The following ANOS1 variants were observed in gnomAD, a reference collection of about 807,000 sequenced individuals.
ANOS1 encodes anosmin-1.
ANOS1 carries 6 observed loss-of-function variants against 59.0 expected under a neutral mutation model. The ratio of observed to expected loss-of-function variants is 0.10; its 90% confidence interval spans 0.06 to 0.20. The LOEUF is 0.20. Ranked by LOEUF, ANOS1 falls within the 10% of genes least tolerant of loss-of-function variation. ANOS1 has a pLI of 1.00. For missense variants in ANOS1, 433 were observed against 542.3 expected (o/e 0.80, Z 2.00); for synonymous variants, 217 against 223.4 (o/e 0.97, Z 0.25).
intron 1 of ANOS1, among the ~76,000 whole-genome samples, chrX:8,722,595 A>C (rs750163549): frequency 5.2e-4 from 58 of 112,110 alleles, no homozygotes; most frequent in Middle Eastern, 4.6e-3. Context: ...ACACACACAC[A>C]CACACACACA....
At chrX:8,561,121 A>T (rs1052917485) in intron 8 of ANOS1, among the ~76,000 whole-genome samples, 1 of 111,783 alleles carries the variant, frequency 8.9e-6, no homozygotes, top group African/African-American at 3.3e-5. Context: ...GGACCCCAGA[A>T]GATAATCTAC....
At chrX:8,544,069 T>G (rs1037804405) in intron 9 of ANOS1, among the ~76,000 whole-genome samples, 7 of 109,124 alleles carry the variant, frequency 6.4e-5, no homozygotes, top group Non-Finnish European at 1.3e-4. Flanking sequence ...GTTCAAAAAT[T>G]AGATGGGTCT....
Position 8,695,699 on chromosome X carries a change from G to GAA in ANOS1, c.255+3997_255+3998dup, listed in dbSNP as rs774226890. On this transcript the variant is annotated intron_variant, in intron 2 of 13. Coordinates refer to ENST00000262648, the MANE Select transcript of ANOS1 (RefSeq NM_000216.4). The stretch of plus-strand genomic sequence containing the variant: ...ACTATTCACAGTAGCTATAAGGGTG[G>GAA]AAAAAAAAAAAAAAAAAAAACCTAG... 9.6e-3 allele frequency among the ~76,000 whole-genome samples: 495 copies of GAA among 51,740 alleles called. 9 individuals carry two copies. The highest frequency in any genetic ancestry group is 0.028 in the African/African-American group (442 of 15,669). 44.9% of individuals were successfully genotyped at this position (51,740 alleles called of 115,157 possible). A position where few individuals can be genotyped will look rare whatever the true frequency, so the allele number is the denominator to read the frequency against.
intron 1 of ANOS1, among the ~76,000 whole-genome samples, chrX:8,701,974 G>A (rs1179195516): frequency 9.0e-6 from 1 of 111,580 alleles, no homozygotes; most frequent in East Asian, 2.8e-4. Context: ...CTTCTTCTCA[G>A]CCTTAACTCC....
chrX:8,670,954 C>A (rs974074099), intron 2 of ANOS1, among the ~76,000 whole-genome samples: 2 of 111,060 alleles, frequency 1.8e-5, no homozygotes, highest in Admixed American at 1.9e-4. Flanking sequence ...TGCCTCCCAT[C>A]TCCCGAAATC....
rs561780348 is a variant in ANOS1 at position 8,532,609 on chromosome X, G to A, written c.*386C>T. 5 of 125,258 alleles carry A rather than the reference G, an allele frequency of 4.0e-5. No individual in the cohort carries two copies. The highest frequency in any genetic ancestry group is 2.2e-4 in the East Asian group (1 of 4,467). The allele number at this position is 125,258 out of a possible 1,213,427, so 10.3% of individuals were successfully genotyped here. A position where few individuals can be genotyped will look rare whatever the true frequency, so the allele number is the denominator to read the frequency against. On this transcript the variant is annotated 3_prime_UTR_variant, in exon 14 of 14. Transcript: ENST00000262648. ...AATATATTTTATTGATTAGATTTAC[G>A]CTTAGTGTTATGTGTGAATTGTGTA...
chrX:8,687,952 G>A (rs1271538861), intron 2 of ANOS1, among the ~76,000 whole-genome samples: 1 of 112,140 alleles, frequency 8.9e-6, no homozygotes, highest in Non-Finnish European at 1.9e-5. Flanking sequence ...ACAGAGAAAT[G>A]AAAAGTTTCC....
intron 6 of ANOS1, among the ~76,000 whole-genome samples, chrX:8,573,863 G>A (rs886611141): frequency 1.8e-5 from 2 of 111,719 alleles, no homozygotes; most frequent in Non-Finnish European, 3.8e-5. Context: ...AGCAAATTGT[G>A]TTAGCACTAC....
chrX:8,684,364 T>C (rs1347461304), intron 2 of ANOS1, among the ~76,000 whole-genome samples: 2 of 111,174 alleles, frequency 1.8e-5, no homozygotes, highest in Non-Finnish European at 3.8e-5. Flanking sequence ...CAAAAGATTC[T>C]AGGAAGGGAT....
intron 3 of ANOS1, among the ~76,000 whole-genome samples, chrX:8,605,420 A>G (rs769185644): frequency 3.9e-4 from 43 of 111,405 alleles, no homozygotes; most frequent in African/African-American, 1.3e-3. Flanking sequence ...AAGTTAAGAA[A>G]TAAACTAGAA....
At chrX:8,708,889 T>TA (rs1335308346) in intron 1 of ANOS1, among the ~76,000 whole-genome samples, 1 of 111,530 alleles carries the variant, frequency 9.0e-6, no homozygotes, top group East Asian at 2.8e-4. Context: ...ATAGACTGGA[T>TA]AAAGAAAATG....
At chrX:8,687,772 T>C (rs1387802995) in intron 2 of ANOS1, among the ~76,000 whole-genome samples, 4 of 112,088 alleles carry the variant, frequency 3.6e-5, no homozygotes, top group Non-Finnish European at 7.5e-5. Flanking sequence ...ATTGAATAGA[T>C]AAAAGATCTC....
chrX:8,547,453 T>C (rs1312391249), intron 9 of ANOS1, among the ~76,000 whole-genome samples: 1 of 112,150 alleles, frequency 8.9e-6, no homozygotes, highest in Admixed American at 9.5e-5. Context: ...TGAAAATTCC[T>C]CTGCACACAA....
At chrX:8,604,059 G>A (rs1391651158) in intron 3 of ANOS1, among the ~76,000 whole-genome samples, 1 of 111,553 alleles carries the variant, frequency 9.0e-6, no homozygotes, top group Non-Finnish European at 1.9e-5. Flanking sequence ...CCCCACAACT[G>A]TTATTATTTC....
At chrX:8,691,015 A>T (rs1932597857) in intron 2 of ANOS1, among the ~76,000 whole-genome samples, 1 of 110,933 alleles carries the variant, frequency 9.0e-6, no homozygotes, top group Admixed American at 9.6e-5. Flanking sequence ...GTGGCATGCC[A>T]TTGTTTGTTA....
At chrX:8,553,482 T>TCA (rs200870198) in intron 9 of ANOS1, among the ~76,000 whole-genome samples, 7 of 110,281 alleles carry the variant, frequency 6.3e-5, no homozygotes, top group African/African-American at 2.3e-4. Context: ...AAAAACACAC[T>TCA]CACACACACA....
At chrX:8,579,312 C>T (rs1484398291) in intron 6 of ANOS1, among the ~76,000 whole-genome samples, 1 of 110,988 alleles carries the variant, frequency 9.0e-6, no homozygotes, top group Non-Finnish European at 1.9e-5. Context: ...TCTTCTCATT[C>T]CAAGAAGTGA....
At chrX:8,666,848 C>G (rs150532322) in intron 2 of ANOS1, among the ~76,000 whole-genome samples, 3,611 of 111,621 alleles carry the variant, frequency 0.032, 58 homozygotes, top group Middle Eastern at 0.05. Flanking sequence ...TTTTGACTCT[C>G]ACACAACTCA....
chrX:8,669,835 A>C (rs1932226497), intron 2 of ANOS1, among the ~76,000 whole-genome samples: 1 of 111,660 alleles, frequency 9.0e-6, no homozygotes, highest in South Asian at 3.8e-4. Context: ...GAAAGAAAGC[A>C]CAATTTAGAA....
Sources: gnomAD v4.1 joint callset for allele counts (sites outside exome capture counted in the v4.1 genomes callset) on GRCh38, gnomAD v4.1.1 for gene constraint, MANE v1.5 for transcripts, NCBI Gene and HGNC (gene_info 2026-07-23, HGNC 2026-07-21) for gene names.